The following CALCRL variants were observed in gnomAD, a reference collection of about 807,000 sequenced individuals.
CALCRL encodes calcitonin receptor like receptor, also known as calcitonin gene-related peptide type 1 receptor.
In CALCRL, 27 loss-of-function variants were observed where a neutral mutation model predicts 60.4. That is an observed-to-expected ratio of 0.45 (90% confidence interval 0.33 to 0.62). The LOEUF is 0.62. Ranked by LOEUF, CALCRL falls within the 20% of genes least tolerant of loss-of-function variation. The pLI, the probability that CALCRL is intolerant of heterozygous loss-of-function variation, is 0.03. For missense variants in CALCRL, 424 were observed against 540.7 expected (o/e 0.78, Z 2.14); for synonymous variants, 190 against 182.6 (o/e 1.04, Z -0.33).
intron 1 of CALCRL, among the ~76,000 whole-genome samples, chr2:187,404,504 A>ATC (rs1553512564): frequency 2.8e-5 from 4 of 145,346 alleles, no homozygotes; most frequent in African/African-American, 1.0e-4. Flanking sequence ...ACTTTTATTT[A>ATC]TTTTTTTTTT....
At position 187,448,228 on chromosome 2, in the gene CALCRL, C is replaced by T. The variant is rs771388676; in HGVS notation, c.-482G>A. On this transcript the variant is annotated 5_prime_UTR_variant, in exon 1 of 15. Transcript: ENST00000392370. ...GTCCTAAAGCAGGAGGTGACACTCT[C>T]TGCTGGAGAGAGAGAGGTTGTTCTG... The T allele has an allele frequency of 5.9e-5, 9 of 152,100 alleles. No homozygotes were observed. Among genetic ancestry groups the T allele is most frequent in the African/African-American group, 2.2e-4 (9 of 41,438 alleles). 9.4% of individuals were successfully genotyped at this position (152,100 alleles called of 1,614,324 possible). A position where few individuals can be genotyped will look rare whatever the true frequency, so the allele number is the denominator to read the frequency against.
chr2:187,371,025 G>C (rs541576181), intron 8 of CALCRL, among the ~76,000 whole-genome samples: 4 of 152,162 alleles, frequency 2.6e-5, no homozygotes, highest in Non-Finnish European at 5.9e-5. Context: ...GGCAGATCAC[G>C]AATTCAGGAG....
At chr2:187,354,010 T>C (rs1221109636) in intron 12 of CALCRL, among the ~76,000 whole-genome samples, 1 of 152,012 alleles carries the variant, frequency 6.6e-6, no homozygotes, top group Non-Finnish European at 1.5e-5. Flanking sequence ...TGGATGCTAT[T>C]TTTCCACACA....
chr2:187,378,046 AAAG>A (rs903221984), intron 8 of CALCRL, among the ~76,000 whole-genome samples: 5 of 151,502 alleles, frequency 3.3e-5, no homozygotes, highest in South Asian at 2.1e-4. Context: ...GGAGGAGGAA[AAAG>A]AAGAACAAGA....
chr2:187,382,380 A>G (rs73981206), intron 5 of CALCRL, among the ~76,000 whole-genome samples: 2,291 of 152,304 alleles, frequency 0.015, 54 homozygotes, highest in African/African-American at 0.052. Context: ...TTTATTATGA[A>G]ACTTTACAAA....
At chr2:187,441,815 A>G (rs948982704) in intron 1 of CALCRL, 6 of 151,828 alleles carry the variant, frequency 4.0e-5, no homozygotes, top group Non-Finnish European at 8.8e-5. Flanking sequence ...TATTGGGCCT[A>G]TGGTTTGGAA....
intron 8 of CALCRL, among the ~76,000 whole-genome samples, chr2:187,376,420 A>G (rs926409303): frequency 5.3e-5 from 8 of 152,072 alleles, no homozygotes; most frequent in Non-Finnish European, 7.4e-5. Flanking sequence ...ATTTTCTTCA[A>G]TTTCTTCACT....
At chr2:187,415,272 C>A (rs1197755352) in intron 1 of CALCRL, among the ~76,000 whole-genome samples, 1 of 152,134 alleles carries the variant, frequency 6.6e-6, no homozygotes, top group African/African-American at 2.4e-5. Flanking sequence ...TATATGCCTG[C>A]TTTTGAACTT....
intron 8 of CALCRL, among the ~76,000 whole-genome samples, chr2:187,366,635 CTG>C (rs1445090090): frequency 6.6e-6 from 1 of 151,942 alleles, no homozygotes; most frequent in Non-Finnish European, 1.5e-5. Context: ...TATATTTTAA[CTG>C]TTTATATTAA....
intron 2 of CALCRL, 71 bp from the exon 3 acceptor site, chr2:187,387,564 C>T (rs1688259943): frequency 2.7e-6 from 1 of 371,218 alleles, no homozygotes. Context: ...TTGTTATAGA[C>T]AGAAAACAAT....
At chr2:187,349,369 T>C (rs550685972) in intron 14 of CALCRL, among the ~76,000 whole-genome samples, 2 of 151,732 alleles carry the variant, frequency 1.3e-5, no homozygotes, top group African/African-American at 2.4e-5. Flanking sequence ...AATATTAAGC[T>C]AAAGGCAGGC....
intron 1 of CALCRL, among the ~76,000 whole-genome samples, chr2:187,399,459 A>G (rs1375754443): frequency 6.6e-6 from 1 of 151,558 alleles, no homozygotes; most frequent in Non-Finnish European, 1.5e-5. Flanking sequence ...CTTTATAGAT[A>G]GGACATTGAA....
At chr2:187,429,263 A>C (rs1351644790) in intron 1 of CALCRL, among the ~76,000 whole-genome samples, 2 of 151,974 alleles carry the variant, frequency 1.3e-5, no homozygotes, top group African/African-American at 4.8e-5. Flanking sequence ...CAAAAAAAAA[A>C]CCCTTGTAGT....
At chr2:187,427,082 G>T (rs1045365305) in intron 1 of CALCRL, among the ~76,000 whole-genome samples, 12 of 152,100 alleles carry the variant, frequency 7.9e-5, no homozygotes, top group African/African-American at 2.9e-4. Context: ...TTCAGAATGG[G>T]TGATACAACA....
chr2:187,354,625 C>T (rs1686687875), intron 12 of CALCRL, among the ~76,000 whole-genome samples: 1 of 151,988 alleles, frequency 6.6e-6, no homozygotes, highest in South Asian at 2.1e-4. Context: ...TAAACAAGGA[C>T]AGAATGATTT....
intron 9 of CALCRL, 95 bp downstream of exon 9, chr2:187,363,281 A>T: frequency 8.6e-7 from 1 of 1,165,982 alleles, no homozygotes; most frequent in South Asian, 2.0e-5. Flanking sequence ...ATATACATAT[A>T]TGTGTACTTA....
chr2:187,415,638 G>A (rs908307809), intron 1 of CALCRL: 7 of 617,120 alleles, frequency 1.1e-5, no homozygotes, highest in Admixed American at 2.1e-5. Context: ...ACCAGGCATC[G>A]GAGGGCCCCC....
chr2:187,377,271 A>G (rs186144370), intron 8 of CALCRL, among the ~76,000 whole-genome samples: 2 of 152,260 alleles, frequency 1.3e-5, no homozygotes, highest in East Asian at 3.9e-4. Context: ...GAGGCTAGAT[A>G]GAACAAGACT....
In CALCRL at chr2:187,437,072, T is replaced by C. The variant is rs1690675281; in HGVS notation, c.-293+10967A>G. The stretch of plus-strand genomic sequence containing the variant: ...CACTCTTTAATCTTGTTCCTTCCAT[T>C]TCAAATTTCATTAATTTTTGGGTCA... On this transcript the variant is annotated intron_variant, in intron 1 of 14. Transcript: ENST00000392370. Among the ~76,000 whole-genome samples, 3 of 152,280 alleles carry C rather than the reference T, an allele frequency of 2.0e-5. No homozygotes were observed. In the South Asian group the frequency reaches 6.2e-4, roughly 32 times the overall value.
Sources: allele counts gnomAD v4.1 joint callset (sites outside exome capture counted in the v4.1 genomes callset), GRCh38; gene constraint gnomAD v4.1.1; transcripts MANE v1.5; gene names NCBI Gene and HGNC (gene_info 2026-07-23, HGNC 2026-07-21).